RIMBP2: variants seen among roughly 807,000 people sequenced by gnomAD.
The protein encoded by RIMBP2 is RIMS-binding protein 2.
RIMBP2 carries 48 observed loss-of-function variants against 118.6 expected under a neutral mutation model. That is an observed-to-expected ratio of 0.40 (90% CI 0.32 to 0.51). The LOEUF is 0.51. Among genes scored for constraint, RIMBP2 ranks in the 20% least tolerant of loss-of-function variants. The pLI, the probability that RIMBP2 is intolerant of heterozygous loss-of-function variation, is 0.41. For missense variants in RIMBP2, 1,551 were observed against 1,768.3 expected (o/e 0.88, Z 2.20); for synonymous variants, 762 against 742.9 (o/e 1.03, Z -0.42).
At chr12:130,495,900 C>G (rs7315278) in intron 4 of RIMBP2, among the ~76,000 whole-genome samples, 90,165 of 152,072 alleles carry the variant, frequency 0.59, 27,312 homozygotes, top group East Asian at 0.93. Context: ...ACTAGTTAAT[C>G]ATCAAATTCA....
intron 1 of RIMBP2, among the ~76,000 whole-genome samples, chr12:130,686,872 G>A (rs2065073383): frequency 6.6e-6 from 1 of 152,220 alleles, no homozygotes; most frequent in Non-Finnish European, 1.5e-5. Context: ...GCCGCTACGA[G>A]CCCAGAAGGC....
At position 130,672,899 on chromosome 12, in the gene RIMBP2, A is replaced by T. The variant is rs560508583; in HGVS notation, c.-352+43323T>A. Among the ~76,000 whole-genome samples, 5 of 152,326 alleles carry T rather than the reference A, an allele frequency of 3.3e-5. 1 individual carries two copies. The highest frequency in any genetic ancestry group is 3.3e-4 in the Admixed American group (5 of 15,300). On this transcript the variant is annotated intron_variant, in intron 1 of 22. Transcript: ENST00000690449. ...TTACAGGCCTTATCCTAGTATTTAGATCCACACTTCGTCACCTTCACACTT... is the reference window on the plus strand; with the variant it reads ...TTACAGGCCTTATCCTAGTATTTAGTTCCACACTTCGTCACCTTCACACTT...
intron 1 of RIMBP2, among the ~76,000 whole-genome samples, chr12:130,639,085 C>G (rs1194918807): frequency 6.6e-6 from 1 of 152,138 alleles, no homozygotes; most frequent in Non-Finnish European, 1.5e-5. Flanking sequence ...AAACCTAAAA[C>G]TGCTCTTTTA....
rs202106493 is a variant in RIMBP2, at chr12:130,604,247, T to C, written c.-217+24075A>G. 1.7e-4 allele frequency among the ~76,000 whole-genome samples: 26 copies of C among 151,106 alleles called. No homozygotes were observed. The East Asian group carries it at 3.1e-3, about 18-fold the overall frequency. ...TGCAGCTGTGCAATGTCTTTGTGTT[T>C]CAAGATACGTGTTATTACAAGAGTC... On this transcript the variant is annotated intron_variant, in intron 2 of 22. Transcript: ENST00000690449.
intron 2 of RIMBP2, among the ~76,000 whole-genome samples, chr12:130,592,606 T>C (rs1229576077): frequency 1.3e-5 from 2 of 151,720 alleles, no homozygotes; most frequent in African/African-American, 4.8e-5. Flanking sequence ...GGAGAACCAC[T>C]TCAACCCGGA....
At chr12:130,409,009 G>A (rs190168344) in intron 19 of RIMBP2, among the ~76,000 whole-genome samples, 1 of 152,218 alleles carries the variant, frequency 6.6e-6, no homozygotes, top group East Asian at 1.9e-4. Context: ...CTGCACATGT[G>A]TGTCTCCTCC....
At chr12:130,438,657 A>G in intron 11 of RIMBP2, 141 bp from the exon 12 acceptor site, 1 of 634,500 alleles carries the variant, frequency 1.6e-6, no homozygotes, top group Non-Finnish European at 2.6e-6. Context: ...TGTTGAAAGC[A>G]CATCAGAAAC....
intron 2 of RIMBP2, among the ~76,000 whole-genome samples, chr12:130,538,216 T>C (rs2054246079): frequency 6.6e-6 from 1 of 152,100 alleles, no homozygotes; most frequent in South Asian, 2.1e-4. Context: ...GAAAATTTAA[T>C]ATAAAAATGA....
At chr12:130,709,755 C>T (rs567676262) in intron 1 of RIMBP2, among the ~76,000 whole-genome samples, 4 of 152,206 alleles carry the variant, frequency 2.6e-5, no homozygotes, top group Admixed American at 1.3e-4. Flanking sequence ...CCCAGCGGCC[C>T]GTTCCTGACA....
chr12:130,437,466 C>G (rs1164119016), intron 12 of RIMBP2, among the ~76,000 whole-genome samples, 175 bp from the exon 13 acceptor site: 1 of 152,052 alleles, frequency 6.6e-6, no homozygotes, highest in Non-Finnish European at 1.5e-5. Flanking sequence ...GGGGAGGGGG[C>G]GGGGCAGGTT....
At position 130,468,347 on chromosome 12, in the gene RIMBP2, C is replaced by A. The variant is rs567744909; in HGVS notation, c.153+2346G>T. 1.7e-3 allele frequency among the ~76,000 whole-genome samples: 254 copies of A among 151,964 alleles called. 2 individuals carry two copies. The highest frequency in any genetic ancestry group is 6.1e-3 in the African/African-American group (252 of 41,548). ...ATCTGGAAGGGTGATTACAGCCAAC[C>A]TTGGGCCCCTCCCTGAGGGGTTTGG... On this transcript the variant is annotated intron_variant, in intron 6 of 22. Coordinates refer to ENST00000690449, the MANE Select transcript of RIMBP2 (RefSeq NM_001393629.1).
intron 2 of RIMBP2, among the ~76,000 whole-genome samples, chr12:130,602,938 G>A (rs1205552457): frequency 6.6e-6 from 1 of 152,206 alleles, no homozygotes. Context: ...CGGAAGAGGA[G>A]AAGAACATAT....
chr12:130,495,475 C>A (rs1051572223), intron 4 of RIMBP2, among the ~76,000 whole-genome samples: 8 of 152,238 alleles, frequency 5.3e-5, no homozygotes, highest in South Asian at 2.1e-4. Context: ...GCGCTCCCCT[C>A]TCCCTCCAGG....
At chr12:130,408,426 C>T (rs1210963667) in intron 19 of RIMBP2, among the ~76,000 whole-genome samples, 8 of 152,160 alleles carry the variant, frequency 5.3e-5, no homozygotes, top group Non-Finnish European at 1.0e-4. Context: ...TAGCAGCGGC[C>T]GTAGAGAAGA....
chr12:130,684,272 A>G (rs2064943757), intron 1 of RIMBP2, among the ~76,000 whole-genome samples: 1 of 152,168 alleles, frequency 6.6e-6, no homozygotes, highest in South Asian at 2.1e-4. Flanking sequence ...GTTGCACCAA[A>G]TCAACGTACA....
chr12:130,491,344 C>G (rs551774741), intron 4 of RIMBP2, among the ~76,000 whole-genome samples: 1 of 152,322 alleles, frequency 6.6e-6, no homozygotes, highest in African/African-American at 2.4e-5. Context: ...GCCCAGCTCA[C>G]TCTCCCTCCA....
rs954409375 is a variant in RIMBP2, at chr12:130,703,294, A to T, written c.-352+12928T>A. ...CAGGCGGGCTCCCCCTCCGCCCTGGACATTTTCAGTTTCCTGCACTTATTA... is the reference window on the plus strand; with the variant it reads ...CAGGCGGGCTCCCCCTCCGCCCTGGTCATTTTCAGTTTCCTGCACTTATTA... On this transcript the variant is annotated intron_variant, in intron 1 of 22. Coordinates refer to ENST00000690449, the MANE Select transcript of RIMBP2 (RefSeq NM_001393629.1). This position sits in a 1 kb window ranked among gnomAD's most constrained non-coding sequence, Gnocchi z 5.7. Among the ~76,000 whole-genome samples the T allele has an allele frequency of 3.9e-5, 6 of 152,138 alleles. No individual in the cohort carries two copies. Among genetic ancestry groups the T allele is most frequent in the African/African-American group, 1.2e-4 (5 of 41,440 alleles).
intron 19 of RIMBP2, among the ~76,000 whole-genome samples, chr12:130,409,190 C>G (rs1364410852): frequency 6.6e-6 from 1 of 152,138 alleles, no homozygotes; most frequent in African/African-American, 2.4e-5. Flanking sequence ...CACACACAGT[C>G]CAGAAACCCC....
chr12:130,660,431 G>A (rs921736330), intron 1 of RIMBP2: 4 of 151,898 alleles, frequency 2.6e-5, no homozygotes, highest in African/African-American at 7.3e-5. Flanking sequence ...GAGGATGGAG[G>A]TCTCTGAGGA....
Sources: allele counts gnomAD v4.1 joint callset (sites outside exome capture counted in the v4.1 genomes callset), GRCh38; gene constraint gnomAD v4.1.1; non-coding constraint Gnocchi (gnomAD v3.1); transcripts MANE v1.5; gene names NCBI Gene and HGNC (gene_info 2026-07-23, HGNC 2026-07-21).